Variants in PDE4D observed in about 807,000 individuals in gnomAD.
PDE4D encodes the protein 3',5'-cyclic-AMP phosphodiesterase 4D.
In PDE4D, 24 loss-of-function variants were observed where a neutral mutation model predicts 87.4. The observed-to-expected ratio is 0.27, with a 90% confidence interval of 0.20 to 0.39. PDE4D has a LOEUF of 0.39. PDE4D is among the 10% of genes least tolerant of loss of function. PDE4D has a pLI of 1.00. For synonymous variants in PDE4D, 384 were observed against 383.2 expected, an observed-to-expected ratio of 1.00 and a Z score of -0.02; for missense variants, 714 against 1,041.0, an observed-to-expected ratio of 0.69 and a Z score of 4.32.
intron 1 of PDE4D, among the ~76,000 whole-genome samples, chr5:59,647,403 A>G (rs1436830949): frequency 6.6e-6 from 1 of 151,768 alleles, no homozygotes; most frequent in African/African-American, 2.4e-5. Flanking sequence ...CTTTCTCTAT[A>G]TATTATTCAT....
At chr5:59,950,688 G>A (rs990793921) in intron 3 of PDE4D, among the ~76,000 whole-genome samples, 4 of 151,998 alleles carry the variant, frequency 2.6e-5, no homozygotes, top group African/African-American at 9.7e-5. Context: ...GCTATGAGGT[G>A]GATAAGAATA....
At chr5:59,389,047 T>C (rs572396455) in intron 1 of PDE4D, among the ~76,000 whole-genome samples, 1 of 152,180 alleles carries the variant, frequency 6.6e-6, no homozygotes, top group South Asian at 2.1e-4. Context: ...AATGGGTTCA[T>C]GAGTCAACCG....
intron 1 of PDE4D, among the ~76,000 whole-genome samples, chr5:60,306,281 C>T (rs958380164): frequency 5.3e-5 from 8 of 151,716 alleles, no homozygotes; most frequent in African/African-American, 1.9e-4. Context: ...AAGTTAAGAA[C>T]AACTGAAAAA....
chr5:60,114,978 A>ATGGATGGATGGATGGC (rs145654898), intron 2 of PDE4D, among the ~76,000 whole-genome samples: 64,369 of 149,146 alleles, frequency 0.43, 14,382 homozygotes, highest in Admixed American at 0.5. Context: ...GGATGGATGG[A>ATGGATGGATGGATGGC]TGGCTAGATA....
At chr5:59,727,255 A>G (rs1756735368) in intron 1 of PDE4D, among the ~76,000 whole-genome samples, 1 of 152,134 alleles carries the variant, frequency 6.6e-6, no homozygotes. Context: ...CAACAATGTT[A>G]GAAGTGGAAA....
At chr5:60,239,473 C>A (rs1746827723) in intron 1 of PDE4D, among the ~76,000 whole-genome samples, 1 of 152,022 alleles carries the variant, frequency 6.6e-6, no homozygotes, top group South Asian at 2.1e-4. Context: ...TGAAAACAAC[C>A]AACAAAACCA....
chr5:60,474,344 G>T (rs1157203579), intron 1 of PDE4D, among the ~76,000 whole-genome samples: 3 of 151,296 alleles, frequency 2.0e-5, no homozygotes, highest in Middle Eastern at 3.4e-3. Flanking sequence ...CTTTATAAGG[G>T]CACTAATTCA....
chr5:59,761,803 T>C (rs898577778), intron 1 of PDE4D, among the ~76,000 whole-genome samples: 31 of 152,132 alleles, frequency 2.0e-4, no homozygotes, highest in African/African-American at 7.5e-4. Flanking sequence ...GGAGGAGTAC[T>C]CTTTAAAACA....
chr5:59,999,674 A>T (rs1582115290), intron 2 of PDE4D, among the ~76,000 whole-genome samples: 1 of 152,010 alleles, frequency 6.6e-6, no homozygotes, highest in South Asian at 2.1e-4. Flanking sequence ...AGAAAAAAAT[A>T]ACTAGGCACA....
intron 3 of PDE4D, among the ~76,000 whole-genome samples, chr5:59,916,899 T>C (rs1428394254): frequency 6.6e-6 from 1 of 150,694 alleles, no homozygotes; most frequent in Non-Finnish European, 1.5e-5. Flanking sequence ...GCAATTTTCC[T>C]GCCTCAGCCT....
intron 1 of PDE4D, among the ~76,000 whole-genome samples, chr5:59,303,473 T>A (rs1770668120): frequency 6.6e-6 from 1 of 152,166 alleles, no homozygotes; most frequent in African/African-American, 2.4e-5. Context: ...CCTAAGCCAA[T>A]GTCTAGAAGG....
At chr5:59,244,021 C>T (rs1758253875) in intron 1 of PDE4D, among the ~76,000 whole-genome samples, 1 of 152,026 alleles carries the variant, frequency 6.6e-6, no homozygotes, top group Non-Finnish European at 1.5e-5. Context: ...CATTTTATTA[C>T]ATGTAAAATG....
At chr5:59,063,040 A>G (rs1433748240) in intron 5 of PDE4D, 2 of 152,160 alleles carry the variant, frequency 1.3e-5, no homozygotes, top group Non-Finnish European at 2.9e-5. Flanking sequence ...AGGTTATAAT[A>G]TGATGTCATT....
At chr5:59,532,732 A>G (rs1461028524) in intron 1 of PDE4D, among the ~76,000 whole-genome samples, 1 of 152,224 alleles carries the variant, frequency 6.6e-6, no homozygotes, top group East Asian at 1.9e-4. Context: ...CCCATTCAAG[A>G]TGCTGAAAAA....
rs115578462 is a variant in PDE4D at position 59,332,729 on chromosome 5, A to G, written c.456-116761T>C. Among the ~76,000 whole-genome samples the G allele has an allele frequency of 7.8e-3, 1,183 of 152,306 alleles. 21 individuals carry two copies. Among genetic ancestry groups the G allele is most frequent in the African/African-American group, 0.027 (1,137 of 41,566 alleles). On this transcript the variant is annotated intron_variant, in intron 1 of 14. Coordinates refer to ENST00000340635, the MANE Select transcript of PDE4D (RefSeq NM_001104631.2). Reference sequence around the variant, plus strand: ...CCATCTTTCTGCACTCAAGATGACCATGTGTCATAGTTCTGGCTAAAGGGC... The same window carrying G: ...CCATCTTTCTGCACTCAAGATGACCGTGTGTCATAGTTCTGGCTAAAGGGC...
intron 1 of PDE4D, among the ~76,000 whole-genome samples, chr5:59,824,634 TGAC>T (rs534406887): frequency 2.0e-5 from 3 of 152,250 alleles, no homozygotes; most frequent in East Asian, 1.9e-4. Flanking sequence ...TTAACTTGGA[TGAC>T]GACAAGTACT....
At chr5:59,990,533 A>T (rs1452855549) in intron 2 of PDE4D, among the ~76,000 whole-genome samples, 1 of 40,448 alleles carries the variant, frequency 2.5e-5, no homozygotes, top group East Asian at 4.4e-3. Flanking sequence ...AGAAGATTTA[A>T]AAAACAAACA....
intron 2 of PDE4D, among the ~76,000 whole-genome samples, chr5:60,109,010 A>G (rs967762057): frequency 1.3e-5 from 2 of 152,184 alleles, no homozygotes; most frequent in Admixed American, 6.5e-5. Context: ...ATTGACAAAT[A>G]GGATCTAATT....
chr5:60,517,594 G>C (rs1301413325), intron 1 of PDE4D, among the ~76,000 whole-genome samples: 1 of 152,010 alleles, frequency 6.6e-6, no homozygotes. Flanking sequence ...TCTCTCCTGA[G>C]AGCTGCACAT....
Sources: allele counts gnomAD v4.1 joint callset (sites outside exome capture counted in the v4.1 genomes callset), GRCh38; gene constraint gnomAD v4.1.1; transcripts MANE v1.5; gene names NCBI Gene and HGNC (gene_info 2026-07-23, HGNC 2026-07-21).